Variants in SGTA observed in about 807,000 individuals in gnomAD.
The protein encoded by SGTA is small glutamine rich tetratricopeptide repeat co-chaperone alpha.
A neutral mutation model predicts 44.3 loss-of-function variants in SGTA; 22 were observed. The observed-to-expected ratio is 0.50, with a 90% CI of 0.36 to 0.71. The LOEUF (loss-of-function observed/expected upper bound fraction) is 0.71. Ranked by LOEUF, SGTA falls within the 30% of genes least tolerant of loss-of-function variation. The pLI is 0.00. For missense variants in SGTA, 341 were observed against 435.9 expected (o/e 0.78, Z 1.94); for synonymous variants, 174 against 177.6 (o/e 0.98, Z 0.16).
chr19:2,761,602 G>T lies in SGTA; in HGVS notation c.637-80C>A. 1 of 1,170,190 alleles carries T rather than the reference G, an allele frequency of 8.5e-7. No individual in the cohort carries two copies. Among genetic ancestry groups the T allele is most frequent in the Non-Finnish European group, 1.2e-6 (1 of 804,334 alleles). 72.5% of individuals were successfully genotyped at this position (1,170,190 alleles called of 1,614,324 possible). On this transcript the variant is annotated intron_variant, in intron 7 of 11. Transcript: ENST00000221566. The surrounding 1 kb of genome is among the most constrained non-coding windows in gnomAD (Gnocchi z 5.7). ...TAACCCCCTGGAACTCAGAAACAAC[G>T]GCCCCCCACGGGGCTCAGACATTCT... is the stretch of plus-strand genomic sequence containing the variant.
At chr19:2,771,801 C>G (rs576742169) in intron 1 of SGTA, among the ~76,000 whole-genome samples, 1 of 152,374 alleles carries the variant, frequency 6.6e-6, no homozygotes, top group South Asian at 2.1e-4. Context: ...GGTGCTGGCG[C>G]ATGGAGGGGC....
intron 4 of SGTA, among the ~76,000 whole-genome samples, chr19:2,766,698 A>C (rs1248241922): frequency 6.6e-6 from 1 of 152,102 alleles, no homozygotes; most frequent in Non-Finnish European, 1.5e-5. Flanking sequence ...GGCCTCCCAA[A>C]GAGCTGGGAC....
rs372472113 is a variant in SGTA, at chr19:2,763,693, A to T, written c.457T>A (p.Cys153Ser). The change falls in exon 6 of 12, where the codon TGC (cysteine) becomes AGC (serine). Residue 153 changes from cysteine (C) to serine (S), a missense_variant. Transcript: ENST00000221566. This position sits in a 1 kb window ranked among gnomAD's most constrained non-coding sequence, Gnocchi z 5.8. ...GCCTTGCTGTAGGCCGGGTCAATGC[A>T]GATGGCCCGCTCACAGTCCTGCACC... ...GAVQDCERAICIDPAYSKAYG... is the reference protein window; with the variant it reads ...GAVQDCERAISIDPAYSKAYG... 6.2e-7 allele frequency: 1 copy of T among 1,613,802 alleles called. No individual in the cohort carries two copies. The highest frequency in any genetic ancestry group is 1.1e-5 in the South Asian group (1 of 91,072).
Position 2,761,705 on chromosome 19 carries a change from G to A in SGTA, c.637-183C>T, listed in dbSNP as rs138283612. Among the ~76,000 whole-genome samples, 242 of 119,750 alleles carry A rather than the reference G, an allele frequency of 2.0e-3. No individual in the cohort carries two copies. Among genetic ancestry groups the A allele is most frequent in the Middle Eastern group, 6.3e-3 (1 of 158 alleles). 78.6% of individuals were successfully genotyped at this position (119,750 alleles called of 152,430 possible). On this transcript the variant is annotated intron_variant, in intron 7 of 11. Coordinates refer to ENST00000221566, the MANE Select transcript of SGTA (RefSeq NM_003021.4). The surrounding 1 kb of genome is among the most constrained non-coding windows in gnomAD (Gnocchi z 5.7). ...CAACCGCCCGGGGACGGCACAGTCT[G>A]TCATCCCGTGTTTATTCCCCGCACA...
At chr19:2,775,231 G>A (rs533382357) in intron 1 of SGTA, among the ~76,000 whole-genome samples, 10 of 152,346 alleles carry the variant, frequency 6.6e-5, no homozygotes, top group South Asian at 6.2e-4. Context: ...CCCGGCAGGC[G>A]CCTGACCTGC....
intron 7 of SGTA, among the ~76,000 whole-genome samples, chr19:2,762,233 G>A (rs1002123192): frequency 8.5e-5 from 13 of 152,082 alleles, no homozygotes; most frequent in Non-Finnish European, 1.2e-4. Context: ...ACCCGGCCTC[G>A]CCACAAAACC....
chr19:2,761,588 A>C lies in SGTA; in HGVS notation c.637-66T>G, dbSNP rs570038840. On this transcript the variant is annotated intron_variant, in intron 7 of 11. Transcript: ENST00000221566. This position sits in a 1 kb window ranked among gnomAD's most constrained non-coding sequence, Gnocchi z 5.7. ...GAGGCCACGGTGAATAACCCCCTGG[A>C]ACTCAGAAACAACGGCCCCCCACGG... 6.6e-5 allele frequency: 88 copies of C among 1,341,540 alleles called. No homozygotes were observed. In the African/African-American group the frequency reaches 1.2e-3, roughly 19 times the overall value. 83.1% of individuals were successfully genotyped at this position (1,341,540 alleles called of 1,614,324 possible). A position where few individuals can be genotyped will look rare whatever the true frequency, so the allele number is the denominator to read the frequency against.
At chr19:2,780,627 GCTTT>G (rs1261807077) in intron 1 of SGTA, among the ~76,000 whole-genome samples, 10 of 152,178 alleles carry the variant, frequency 6.6e-5, no homozygotes, top group African/African-American at 2.2e-4. Flanking sequence ...CTCTTACAAG[GCTTT>G]CTATCTCTTG....
At chr19:2,779,888 TAC>T (rs1209584088) in intron 1 of SGTA, among the ~76,000 whole-genome samples, 1 of 151,628 alleles carries the variant, frequency 6.6e-6, no homozygotes, top group Non-Finnish European at 1.5e-5. Flanking sequence ...GCTTGGGCAA[TAC>T]AGTGTATAGT....
chr19:2,760,150 C>T (rs949985379), intron 8 of SGTA, among the ~76,000 whole-genome samples: 11 of 152,048 alleles, frequency 7.2e-5, no homozygotes, highest in African/African-American at 2.7e-4. Flanking sequence ...CCTGACGCAA[C>T]TACTCAGCTC....
rs1038512360 is a variant in SGTA, at chr19:2,763,865, C to T, written c.393-108G>A. On this transcript the variant is annotated intron_variant, in intron 5 of 11. Coordinates refer to ENST00000221566, the MANE Select transcript of SGTA (RefSeq NM_003021.4). This position sits in a 1 kb window ranked among gnomAD's most constrained non-coding sequence, Gnocchi z 5.8. ...GTTCCTCTCCAACTTCCTGGAGGAA[C>T]GGCCTCAGTTTTCCCCATCTGTAAA... 13 of 796,980 alleles carry T rather than the reference C, an allele frequency of 1.6e-5. No homozygotes were observed. The highest frequency in any genetic ancestry group is 6.9e-5 in the African/African-American group (4 of 58,114). The allele number at this position is 796,980 out of a possible 1,614,324, so 49.4% of individuals were successfully genotyped here. A position where few individuals can be genotyped will look rare whatever the true frequency, so the allele number is the denominator to read the frequency against.
chr19:2,759,593 GTTCT>G (rs1914929348), intron 8 of SGTA: 1 of 405,126 alleles, frequency 2.5e-6, no homozygotes, highest in African/African-American at 2.0e-5. Flanking sequence ...AGGCGTTTTG[GTTCT>G]TTATTTTAGC....
At position 2,769,098 on chromosome 19, in the gene SGTA, G is replaced by T. The variant is rs759377046; in HGVS notation, c.-23-7C>A. The T allele has an allele frequency of 1.8e-5, 29 of 1,591,042 alleles. No individual in the cohort carries two copies. In the East Asian group the frequency reaches 5.6e-4, roughly 31 times the overall value. ...AGCCCAGAAGAGGTGATACCTGGGG[G>T]TGCAGGAAAAACCCCCATCAGGCCC... is the stretch of plus-strand genomic sequence containing the variant. On this transcript the variant is annotated splice_polypyrimidine_tract_variant and splice_region_variant and intron_variant, in intron 1 of 11. Coordinates refer to ENST00000221566, the MANE Select transcript of SGTA (RefSeq NM_003021.4).
intron 1 of SGTA, among the ~76,000 whole-genome samples, chr19:2,780,040 GATTGGGCCC>G (rs1915536747): frequency 6.6e-6 from 1 of 152,132 alleles, no homozygotes; most frequent in Non-Finnish European, 1.5e-5. Context: ...AGTGAGCTGT[GATTGGGCCC>G]TGCACTCCAG....
At chr19:2,758,537 GA>G (rs777859765) in intron 9 of SGTA, among the ~76,000 whole-genome samples, 2 of 150,760 alleles carry the variant, frequency 1.3e-5, no homozygotes, top group Non-Finnish European at 3.0e-5. Flanking sequence ...AAAGGAGAAA[GA>G]AAAAAAGATT....
Position 2,757,779 on chromosome 19 carries a change from C to T in SGTA, c.741G>A (p.Met247Ile). ...TGTTGCCACCCGAAATCATGCCGGA[C>T]ATGCTGCAGGAGAGAGCGCGTGACT... ...LMNNPQIQQL[M>I]SGMISGGNNP... The change falls in exon 10 of 12, where the codon ATG becomes ATA. Residue 247 changes from methionine to isoleucine, a missense_variant. Transcript: ENST00000221566. The T allele has an allele frequency of 1.3e-6, 2 of 1,596,794 alleles. No individual in the cohort carries two copies. Among genetic ancestry groups the T allele is most frequent in the Non-Finnish European group, 1.7e-6 (2 of 1,172,192 alleles).
At chr19:2,782,670 A>G (rs970851040) in intron 1 of SGTA, 2 of 152,246 alleles carry the variant, frequency 1.3e-5, no homozygotes, top group African/African-American at 4.8e-5. Context: ...TAAACATGAT[A>G]TAAGACGAAC....
intron 8 of SGTA, among the ~76,000 whole-genome samples, chr19:2,759,997 C>T (rs1458395782): frequency 2.0e-5 from 3 of 152,120 alleles, no homozygotes; most frequent in African/African-American, 7.2e-5. Context: ...ATAAATAGCA[C>T]TATACTGGGC....
chr19:2,763,659 C>A lies in SGTA; in HGVS notation c.491G>T (p.Arg164Met). 6.2e-7 allele frequency: 1 copy of A among 1,611,276 alleles called. No individual in the cohort carries two copies. Residue 164 changes from arginine to methionine, a missense_variant, in exon 6 of 12, where the codon AGG becomes ATG. Physicochemically the swap from Arg to Met is moderately conservative, Grantham distance 91. Transcript: ENST00000221566. This position sits in a 1 kb window ranked among gnomAD's most constrained non-coding sequence, Gnocchi z 5.8. ...IDPAYSKAYG[R>M]MGLALSSLNK... is the part of the protein sequence containing the mutation. ...GCCGTGGACAGGCACTCACCCCATC[C>A]TGCCGTAGGCCTTGCTGTAGGCCGG...
Sources: allele counts gnomAD v4.1 joint callset (sites outside exome capture counted in the v4.1 genomes callset), GRCh38; gene constraint gnomAD v4.1.1; non-coding constraint Gnocchi (gnomAD v3.1); transcripts MANE v1.5; gene names NCBI Gene and HGNC (gene_info 2026-07-23, HGNC 2026-07-21).